USP15: variants seen among roughly 807,000 people sequenced by gnomAD.
The protein encoded by USP15 is ubiquitin carboxyl-terminal hydrolase 15.
A neutral mutation model predicts 127.1 loss-of-function variants in USP15; 18 were observed. The ratio of observed to expected loss-of-function variants is 0.14; its 90% confidence interval spans 0.10 to 0.21. USP15 has a LOEUF of 0.21. USP15 is among the 10% of genes least tolerant of loss of function. The pLI is 1.00. For missense variants in USP15, 805 were observed against 1,159.9 expected, an observed-to-expected ratio of 0.69 and a Z score of 4.44; for synonymous variants, 364 against 393.7, an observed-to-expected ratio of 0.92 and a Z score of 0.89.
chr12:62,318,173 A>G (rs1458063349), intron 4 of USP15, among the ~76,000 whole-genome samples: 3 of 152,148 alleles, frequency 2.0e-5, no homozygotes, highest in Non-Finnish European at 2.9e-5. Flanking sequence ...ACCAATTATT[A>G]CAGTTAAACC....
At chr12:62,381,405 ATTTG>A (rs140885828) in intron 8 of USP15, 81 bp from the exon 9 acceptor site, 46,953 of 1,204,470 alleles carry the variant, frequency 0.039, 1,095 homozygotes, top group African/African-American at 0.058. Context: ...TAGCAAATCA[ATTTG>A]TTTCTCTCTT....
At position 62,379,201 on chromosome 12, in the gene USP15, C is replaced by CAAA. The variant is rs59155021; in HGVS notation, c.916-2276_916-2274dup. Reference sequence around the variant, plus strand: ...ATGGATTTATAGAAGTTAGTAAGGCCAAAAAAAAAAAAAAAGTACATTTCC... The same window carrying CAAA: ...ATGGATTTATAGAAGTTAGTAAGGCCAAAAAAAAAAAAAAAAAAGTACATTTCC... On this transcript the variant is annotated intron_variant, in intron 8 of 21. Transcript: ENST00000280377. Among the ~76,000 whole-genome samples, 153 of 134,682 alleles carry CAAA rather than the reference C, an allele frequency of 1.1e-3. 4 individuals carry two copies. The East Asian group carries it at 0.014, about 12-fold the overall frequency. 88.4% of individuals were successfully genotyped at this position (134,682 alleles called of 152,430 possible). A position where few individuals can be genotyped will look rare whatever the true frequency, so the allele number is the denominator to read the frequency against.
At chr12:62,289,018 A>G (rs781687032) in intron 1 of USP15, among the ~76,000 whole-genome samples, 13 of 152,236 alleles carry the variant, frequency 8.5e-5, no homozygotes, top group Admixed American at 2.0e-4. Context: ...TTTTGCATCT[A>G]TATTCATCAG....
intron 1 of USP15, among the ~76,000 whole-genome samples, chr12:62,281,339 T>C (rs2063642499): frequency 1.3e-5 from 2 of 152,186 alleles, no homozygotes; most frequent in African/African-American, 4.8e-5. Context: ...TATTTTTCTT[T>C]TTCTGTTTGC....
At chr12:62,343,090 G>T (rs1426884192) in intron 6 of USP15, among the ~76,000 whole-genome samples, 1 of 152,182 alleles carries the variant, frequency 6.6e-6, no homozygotes, top group Non-Finnish European at 1.5e-5. Flanking sequence ...TGGGGCTGCT[G>T]CATTTTCTTC....
In USP15 at chr12:62,270,821, C is replaced by T. The variant is rs527372736; in HGVS notation, c.89+10318C>T. 2.0e-5 allele frequency among the ~76,000 whole-genome samples: 3 copies of T among 152,200 alleles called. No individual in the cohort carries two copies. In the South Asian group the frequency reaches 6.2e-4, roughly 32 times the overall value. On this transcript the variant is annotated intron_variant, in intron 1 of 21. Transcript: ENST00000280377. Reference sequence around the variant, plus strand: ...GGCCCTCTTCTCTTATTAGTTTACACTATGTTGAAATGTTGTTTTGTAAAT... The same window carrying T: ...GGCCCTCTTCTCTTATTAGTTTACATTATGTTGAAATGTTGTTTTGTAAAT...
intron 8 of USP15, among the ~76,000 whole-genome samples, chr12:62,364,420 T>C (rs2066415593): frequency 6.6e-6 from 1 of 152,164 alleles, no homozygotes; most frequent in South Asian, 2.1e-4. Flanking sequence ...AGTTGCATGG[T>C]GCATAAAACA....
chr12:62,279,154 T>G (rs2063579070), intron 1 of USP15: 1 of 152,152 alleles, frequency 6.6e-6, no homozygotes, highest in Admixed American at 6.6e-5. Flanking sequence ...CATCACCTCC[T>G]TATTTCTTCC....
chr12:62,402,746 A>G lies in USP15; in HGVS notation c.2764-1447A>G, dbSNP rs147334056. ...TAGTTGTTTAGACATTTTCTTACAGACTATGAGTAGCCATTAGATTGTTAA... is the reference window on the plus strand; with the variant it reads ...TAGTTGTTTAGACATTTTCTTACAGGCTATGAGTAGCCATTAGATTGTTAA... On this transcript the variant is annotated intron_variant, in intron 21 of 21. Transcript: ENST00000280377. 4.7e-3 allele frequency among the ~76,000 whole-genome samples: 710 copies of G among 152,188 alleles called. 4 individuals are homozygous for G. Among genetic ancestry groups the G allele is most frequent in the African/African-American group, 0.016 (683 of 41,552 alleles).
chr12:62,273,667 A>C (rs374910474), intron 1 of USP15, among the ~76,000 whole-genome samples: 12 of 152,216 alleles, frequency 7.9e-5, no homozygotes, highest in African/African-American at 2.6e-4. Context: ...TCCACAGTTT[A>C]GTGTTTGCTA....
intron 2 of USP15, among the ~76,000 whole-genome samples, chr12:62,296,785 G>A (rs1187245281): frequency 6.6e-6 from 1 of 152,138 alleles, no homozygotes; most frequent in Non-Finnish European, 1.5e-5. Context: ...CTCCTCCAAG[G>A]AGTCTTAGCT....
intron 6 of USP15, among the ~76,000 whole-genome samples, chr12:62,345,745 G>A (rs889382854): frequency 1.3e-5 from 2 of 152,078 alleles, no homozygotes; most frequent in African/African-American, 4.8e-5. Flanking sequence ...ACGTTTCTGG[G>A]GTGGGGGGGC....
chr12:62,313,930 G>T, intron 3 of USP15: 1 of 415,714 alleles, frequency 2.4e-6, no homozygotes, highest in Non-Finnish European at 3.2e-6. Context: ...ACGGTCATTT[G>T]GAGCCTCCCT....
In USP15 at chr12:62,275,136, T is replaced by C. The variant is rs570678472; in HGVS notation, c.89+14633T>C. Among the ~76,000 whole-genome samples, 12 of 152,076 alleles carry C rather than the reference T, an allele frequency of 7.9e-5. No homozygotes were observed. The East Asian group carries it at 2.3e-3, about 29-fold the overall frequency. On this transcript the variant is annotated intron_variant, in intron 1 of 21. Transcript: ENST00000280377. ...CTGATGAAGTCACTTGTTAAAGTAATAGTAGAGAATGGGTAAATGGAGAGA... is the reference window on the plus strand; with the variant it reads ...CTGATGAAGTCACTTGTTAAAGTAACAGTAGAGAATGGGTAAATGGAGAGA...
intron 20 of USP15, among the ~76,000 whole-genome samples, chr12:62,398,370 T>C (rs1274594671): frequency 6.6e-6 from 1 of 152,216 alleles, no homozygotes; most frequent in African/African-American, 2.4e-5. Context: ...TGGGTTTCTA[T>C]GTTACTCTTC....
At chr12:62,317,058 T>C (rs1318245874) in intron 4 of USP15, among the ~76,000 whole-genome samples, 1 of 152,078 alleles carries the variant, frequency 6.6e-6, no homozygotes, top group African/African-American at 2.4e-5. Context: ...GTTTTGGGAG[T>C]AAAGAAAATT....
At chr12:62,369,284 G>C (rs1033313157) in intron 8 of USP15, among the ~76,000 whole-genome samples, 1 of 152,030 alleles carries the variant, frequency 6.6e-6, no homozygotes, top group Non-Finnish European at 1.5e-5. Context: ...TAACTTATAT[G>C]TTCATTTGGT....
At position 62,372,526 on chromosome 12, in the gene USP15, C is replaced by G. The variant is rs567503669; in HGVS notation, c.916-8964C>G. 3.9e-5 allele frequency among the ~76,000 whole-genome samples: 6 copies of G among 151,966 alleles called. No homozygotes were observed. The South Asian group carries it at 1.0e-3, about 26-fold the overall frequency. ...GGCTTGTTTCTCTTAAAGAATGTAA[C>G]AAATCAATAAACTTTAAAAAAAAAT... On this transcript the variant is annotated intron_variant, in intron 8 of 21. Transcript: ENST00000280377.
intron 6 of USP15, among the ~76,000 whole-genome samples, chr12:62,329,238 GT>G (rs544632335): frequency 6.6e-6 from 1 of 152,178 alleles, no homozygotes; most frequent in Non-Finnish European, 1.5e-5. Context: ...TGGTATGGTG[GT>G]GGACACCTGT....
Sources: gnomAD v4.1 joint callset for allele counts (sites outside exome capture counted in the v4.1 genomes callset) on GRCh38, gnomAD v4.1.1 for gene constraint, MANE v1.5 for transcripts, NCBI Gene and HGNC (gene_info 2026-07-23, HGNC 2026-07-21) for gene names.